Variants in TMEM51 observed in about 807,000 individuals in gnomAD.
TMEM51 encodes the protein transmembrane protein 51, also known as chromosome 1 open reading frame 72.
A neutral mutation model predicts 13.6 loss-of-function variants in TMEM51; 8 were observed. The ratio of observed to expected loss-of-function variants is 0.59; its 90% CI spans 0.35 to 1.07. The LOEUF (loss-of-function observed/expected upper bound fraction) is 1.07, where lower values mean the gene tolerates loss of function less well. Among genes scored for constraint, TMEM51 ranks in the 50% least tolerant of loss-of-function variants. The probability of loss-of-function intolerance (pLI) is 0.02; values close to 1 mark genes in which losing one functional copy is unlikely to be tolerated. For missense variants in TMEM51, 279 were observed against 330.7 expected (o/e 0.84, Z 1.21); for synonymous variants, 147 against 144.4 (o/e 1.02, Z -0.13).
At position 15,187,163 on chromosome 1, in the gene TMEM51, C is replaced by G. The variant is rs1178883935; in HGVS notation, c.-266-23327C>G. Among the ~76,000 whole-genome samples, 3 of 152,116 alleles carry G rather than the reference C, an allele frequency of 2.0e-5. No individual in the cohort carries two copies. In the East Asian group the frequency reaches 5.8e-4, roughly 29 times the overall value. On this transcript the variant is annotated intron_variant, in intron 1 of 3. Coordinates refer to ENST00000376008, the MANE Select transcript of TMEM51 (RefSeq NM_001136218.2). ...TGCGGCCCCAGGCAGAGTCACCCTC[C>G]TTCCAACACAGCACCCCCATCCCCC...
At chr1:15,204,822 TG>T (rs138839038) in intron 1 of TMEM51, among the ~76,000 whole-genome samples, 20,245 of 151,658 alleles carry the variant, frequency 0.13, 1,733 homozygotes, top group Non-Finnish European at 0.19. Flanking sequence ...AACTATGTGC[TG>T]GGGGTTGGGG....
intron 1 of TMEM51, among the ~76,000 whole-genome samples, chr1:15,158,478 G>A (rs1446063346): frequency 6.6e-6 from 1 of 152,114 alleles, no homozygotes; most frequent in Non-Finnish European, 1.5e-5. Context: ...CCATCCAAGT[G>A]CCGCCACCCC....
chr1:15,206,268 AGGAGG>A (rs1289912304), intron 1 of TMEM51, among the ~76,000 whole-genome samples: 1 of 143,520 alleles, frequency 7.0e-6, no homozygotes, highest in Non-Finnish European at 1.5e-5. Context: ...GAAAGGGAAG[AGGAGG>A]GGAGGGGAGG....
chr1:15,180,961 C>T (rs887834794), intron 1 of TMEM51, among the ~76,000 whole-genome samples: 7 of 152,092 alleles, frequency 4.6e-5, no homozygotes, highest in African/African-American at 9.7e-5. Flanking sequence ...CTGTCATCAG[C>T]TTTGTGGGAT....
At chr1:15,171,217 C>T in intron 1 of TMEM51, 2 of 1,303,396 alleles carry the variant, frequency 1.5e-6, no homozygotes, top group Non-Finnish European at 2.0e-6. Context: ...TGATTTGGGG[C>T]CACGCCTGGA....
At chr1:15,178,181 G>A (rs1643507641) in intron 1 of TMEM51, among the ~76,000 whole-genome samples, 1 of 152,244 alleles carries the variant, frequency 6.6e-6, no homozygotes, top group South Asian at 2.1e-4. Flanking sequence ...AGTCTTGCTA[G>A]GTGAGCAGGG....
intron 1 of TMEM51, among the ~76,000 whole-genome samples, chr1:15,177,688 T>TTTGA (rs149641365): frequency 1.1e-4 from 16 of 152,232 alleles, no homozygotes; most frequent in Non-Finnish European, 1.8e-4. Context: ...GATTTTTAAA[T>TTTGA]TTGATTGATT....
rs555295238 is a variant in TMEM51, at chr1:15,219,878, G to C, written c.*135G>C. 6 of 987,548 alleles carry C rather than the reference G, an allele frequency of 6.1e-6. No individual in the cohort carries two copies. The Admixed American group carries it at 1.1e-4, about 19-fold the overall frequency. 61.2% of individuals were successfully genotyped at this position (987,548 alleles called of 1,614,324 possible). On this transcript the variant is annotated 3_prime_UTR_variant, in exon 4 of 4. Transcript: ENST00000376008. ...GGAGCCATTTGGATGGCGGCGGGCG[G>C]GGGGGGATTCTCTGTATCAGGAGTG...
rs16851430 is a variant in TMEM51 at position 15,214,522 on chromosome 1, G to A, written c.-193-373G>A. Among the ~76,000 whole-genome samples the A allele has an allele frequency of 7.5e-4, 114 of 152,296 alleles. 3 individuals carry two copies. The East Asian group carries it at 0.021, about 28-fold the overall frequency. On this transcript the variant is annotated intron_variant, in intron 2 of 3. Transcript: ENST00000376008. ...CCCAGGTGAGTCTGTTACAACCATC[G>A]ATTGTGGACCATTCATCCCATCGCT...
chr1:15,186,096 G>A (rs1318131266), intron 1 of TMEM51, among the ~76,000 whole-genome samples: 5 of 152,226 alleles, frequency 3.3e-5, no homozygotes, highest in Non-Finnish European at 5.9e-5. Context: ...CACTCAGCCA[G>A]TAGAGAGAGG....
chr1:15,220,038 C>T lies in TMEM51; in HGVS notation c.*295C>T, dbSNP rs897980960. 6 of 382,310 alleles carry T rather than the reference C, an allele frequency of 1.6e-5. No individual in the cohort carries two copies. Among genetic ancestry groups the T allele is most frequent in the East Asian group, 4.2e-5 (1 of 23,708 alleles). 23.7% of individuals were successfully genotyped at this position (382,310 alleles called of 1,614,324 possible). A position where few individuals can be genotyped will look rare whatever the true frequency, so the allele number is the denominator to read the frequency against. ...CATCCTTTTCACTCCGAATCGCTGG[C>T]GACACATTCTCCTTTCCAGCTAGGA... On this transcript the variant is annotated 3_prime_UTR_variant, in exon 4 of 4. Transcript: ENST00000376008.
rs540645075 is a variant in TMEM51, at chr1:15,181,972, C to A, written c.-267+28018C>A. Among the ~76,000 whole-genome samples, 270 of 152,122 alleles carry A rather than the reference C, an allele frequency of 1.8e-3. 1 individual carries two copies. The highest frequency in any genetic ancestry group is 3.3e-3 in the South Asian group (16 of 4,810). The stretch of plus-strand genomic sequence containing the variant: ...GGCCAGGAGTTCAAGACCAGCCTGA[C>A]CCATATGGCAAAACCTTGTCTCTAC... On this transcript the variant is annotated intron_variant, in intron 1 of 3. Coordinates refer to ENST00000376008, the MANE Select transcript of TMEM51 (RefSeq NM_001136218.2).
chr1:15,162,620 C>A (rs1642821210), intron 1 of TMEM51, among the ~76,000 whole-genome samples: 1 of 152,024 alleles, frequency 6.6e-6, no homozygotes, highest in African/African-American at 2.4e-5. Context: ...ACCCAAGTAT[C>A]CATCAAAGGA....
intron 3 of TMEM51, among the ~76,000 whole-genome samples, chr1:15,215,992 A>G (rs1644425831): frequency 6.6e-6 from 1 of 152,050 alleles, no homozygotes; most frequent in Non-Finnish European, 1.5e-5. Context: ...AGATACCGCC[A>G]CTGCACTCCA....
intron 1 of TMEM51, among the ~76,000 whole-genome samples, chr1:15,176,299 A>T (rs1557838811): frequency 6.6e-6 from 1 of 152,348 alleles, no homozygotes; most frequent in South Asian, 2.1e-4. Context: ...CAGTGAGAAC[A>T]CAGGTGTTCA....
intron 3 of TMEM51, among the ~76,000 whole-genome samples, chr1:15,217,523 G>A (rs982839010): frequency 6.6e-6 from 1 of 152,096 alleles, no homozygotes; most frequent in Non-Finnish European, 1.5e-5. Context: ...TTAGTTCCTG[G>A]GATCATGGAA....
rs1452812707 is a variant in TMEM51 at position 15,182,206 on chromosome 1, A to AAATGAATG, written c.-267+28253_-267+28254insATGAATGA. On this transcript the variant is annotated intron_variant, in intron 1 of 3. Transcript: ENST00000376008. The stretch of plus-strand genomic sequence containing the variant: ...TAAATAAATAAATAAATAAATAAAT[A>AAATGAATG]ACTGCACTAGGCTGAAAGCAGAATG... Among the ~76,000 whole-genome samples, 1,068 of 148,918 alleles carry AAATGAATG rather than the reference A, an allele frequency of 7.2e-3. 22 individuals carry two copies. Among genetic ancestry groups the AAATGAATG allele is most frequent in the East Asian group, 0.015 (74 of 5,060 alleles).
chr1:15,168,816 G>A lies in TMEM51; in HGVS notation c.-267+14862G>A, dbSNP rs977620403. 3.9e-6 allele frequency: 5 copies of A among 1,276,362 alleles called. No homozygotes were observed. The Admixed American group carries it at 7.3e-5, about 19-fold the overall frequency. 79.1% of individuals were successfully genotyped at this position (1,276,362 alleles called of 1,614,324 possible). On this transcript the variant is annotated intron_variant, in intron 1 of 3. Transcript: ENST00000376008. ...AAGAAGAGTTTAGGGGAATTCCTGG[G>A]AGTCAGAGCCATATCCGGCTCATGA...
intron 1 of TMEM51, among the ~76,000 whole-genome samples, chr1:15,187,523 G>A (rs919462477): frequency 4.6e-5 from 7 of 152,200 alleles, no homozygotes; most frequent in East Asian, 1.9e-4. Context: ...CCCAGGGGCT[G>A]TCTGCCTGCT....
Sources: allele counts gnomAD v4.1 joint callset (sites outside exome capture counted in the v4.1 genomes callset), GRCh38; gene constraint gnomAD v4.1.1; transcripts MANE v1.5; gene names NCBI Gene and HGNC (gene_info 2026-07-23, HGNC 2026-07-21).